Variants in ATF6 observed in about 807,000 individuals in gnomAD.
The protein encoded by ATF6 is activating transcription factor 6.
In ATF6, 53 loss-of-function variants were observed where a neutral mutation model predicts 83.6. The observed-to-expected ratio is 0.63, with a 90% confidence interval of 0.51 to 0.80. The LOEUF is 0.80. Among genes scored for constraint, ATF6 ranks in the 30% least tolerant of loss-of-function variants. The pLI is 0.00. For synonymous variants in ATF6, 288 were observed against 285.8 expected (o/e 1.01, Z -0.08); for missense variants, 744 against 797.9 (o/e 0.93, Z 0.81).
Position 161,821,946 on chromosome 1 carries a change from G to C in ATF6, c.1187+785G>C, listed in dbSNP as rs113263422. On this transcript the variant is annotated intron_variant, in intron 9 of 15. Transcript: ENST00000367942. ...TACCTCTCTGATGTAGCTTTTGTGG[G>C]ATTTGTTAACTGGTATAATGTGGGA... Among the ~76,000 whole-genome samples the C allele has an allele frequency of 9.9e-3, 1,507 of 152,230 alleles. 8 individuals carry two copies. The highest frequency in any genetic ancestry group is 0.017 in the South Asian group (83 of 4,812).
intron 15 of ATF6, among the ~76,000 whole-genome samples, chr1:161,917,538 A>G (rs1287009703): frequency 1.3e-5 from 2 of 151,868 alleles, no homozygotes; most frequent in African/African-American, 2.4e-5. Context: ...CTCCTGCCTC[A>G]GCCTCCCGAG....
intron 1 of ATF6, among the ~76,000 whole-genome samples, chr1:161,774,876 G>A (rs1684478700): frequency 6.6e-6 from 1 of 152,174 alleles, no homozygotes; most frequent in Admixed American, 6.5e-5. Context: ...ATCTGGAACA[G>A]TTCTTTAGTC....
Position 161,905,675 on chromosome 1 carries a change from G to T in ATF6, c.1720-6621G>T, listed in dbSNP as rs548757420. Among the ~76,000 whole-genome samples, 27 of 152,180 alleles carry T rather than the reference G, an allele frequency of 1.8e-4. No homozygotes were observed. The Middle Eastern group carries it at 0.014, about 77-fold the overall frequency. ...TTTTTTTTGGATTGCTGTCCTGTTG[G>T]CACTCAACAAATTACAATTGCTAAT... On this transcript the variant is annotated intron_variant, in intron 14 of 15. Coordinates refer to ENST00000367942, the MANE Select transcript of ATF6 (RefSeq NM_007348.4).
intron 6 of ATF6, among the ~76,000 whole-genome samples, chr1:161,797,810 G>A (rs12044164): frequency 0.12 from 18,503 of 152,010 alleles, 1,681 homozygotes; most frequent in East Asian, 0.31. Flanking sequence ...ACACAATTAG[G>A]AAAAACTATT....
At chr1:161,881,233 C>T (rs990833623) in intron 14 of ATF6, among the ~76,000 whole-genome samples, 1 of 152,112 alleles carries the variant, frequency 6.6e-6, no homozygotes, top group Non-Finnish European at 1.5e-5. Flanking sequence ...GGGTCTTCTA[C>T]TCCAGGGTTT....
intron 14 of ATF6, among the ~76,000 whole-genome samples, chr1:161,881,898 C>A (rs192861340): frequency 1.1e-3 from 164 of 152,024 alleles, no homozygotes; most frequent in Admixed American, 3.7e-3. Context: ...TAAAGTCTTA[C>A]AATTTTAGGT....
chr1:161,942,472 C>T (rs1688666140), intron 15 of ATF6, among the ~76,000 whole-genome samples: 1 of 152,144 alleles, frequency 6.6e-6, no homozygotes, highest in African/African-American at 2.4e-5. Flanking sequence ...ACTCTTGCAA[C>T]CACCCTATGG....
chr1:161,877,728 A>T (rs1687245194), intron 14 of ATF6, among the ~76,000 whole-genome samples: 1 of 152,170 alleles, frequency 6.6e-6, no homozygotes, highest in Non-Finnish European at 1.5e-5. Context: ...GAGACCTATT[A>T]ACAGTAGGAG....
At chr1:161,880,637 G>C (rs776826503) in intron 14 of ATF6, among the ~76,000 whole-genome samples, 27 of 152,068 alleles carry the variant, frequency 1.8e-4, no homozygotes, top group Non-Finnish European at 1.3e-4. Flanking sequence ...CTGGTGTAGG[G>C]ATATAGCACA....
chr1:161,770,817 A>C (rs553698879), intron 1 of ATF6, among the ~76,000 whole-genome samples: 15 of 152,276 alleles, frequency 9.9e-5, no homozygotes, highest in African/African-American at 3.6e-4. Flanking sequence ...GTGGACATGC[A>C]TTTTCCAATT....
intron 7 of ATF6, among the ~76,000 whole-genome samples, chr1:161,811,853 C>T (rs1685471862): frequency 6.6e-6 from 1 of 152,112 alleles, no homozygotes; most frequent in African/African-American, 2.4e-5. Flanking sequence ...CAGTATTTTA[C>T]CCCTAATTTT....
intron 14 of ATF6, among the ~76,000 whole-genome samples, chr1:161,901,177 A>G (rs1302602444): frequency 6.6e-6 from 1 of 151,996 alleles, no homozygotes; most frequent in Non-Finnish European, 1.5e-5. Context: ...TTCAACTTTT[A>G]TTTTAGATTT....
chr1:161,894,224 G>A (rs984238577), intron 14 of ATF6, among the ~76,000 whole-genome samples: 4 of 140,568 alleles, frequency 2.8e-5, no homozygotes, highest in African/African-American at 5.5e-5. Context: ...GAATTGAGCA[G>A]GTGTTTTTTT....
At chr1:161,858,780 C>T (rs555561022) in intron 12 of ATF6, among the ~76,000 whole-genome samples, 21 of 152,286 alleles carry the variant, frequency 1.4e-4, no homozygotes, top group Admixed American at 1.2e-3. Context: ...ACTAGTTTTT[C>T]AGAGGTTCCT....
chr1:161,887,950 T>G (rs1361476468), intron 14 of ATF6, among the ~76,000 whole-genome samples: 3 of 152,144 alleles, frequency 2.0e-5, no homozygotes, highest in Admixed American at 6.5e-5. Context: ...ATTTCATGGA[T>G]CAAATCAAGG....
chr1:161,865,280 C>T (rs1686970848), intron 14 of ATF6, among the ~76,000 whole-genome samples: 1 of 152,000 alleles, frequency 6.6e-6, no homozygotes, highest in Non-Finnish European at 1.5e-5. Context: ...TTGCCTCAGC[C>T]TCCTGAATAG....
At chr1:161,939,396 A>C (rs1465039114) in intron 15 of ATF6, among the ~76,000 whole-genome samples, 3 of 152,224 alleles carry the variant, frequency 2.0e-5, no homozygotes, top group Non-Finnish European at 4.4e-5. Flanking sequence ...TACATGTGCC[A>C]TGTTGGTTTG....
At chr1:161,918,505 T>C (rs1474114886) in intron 15 of ATF6, among the ~76,000 whole-genome samples, 3 of 152,170 alleles carry the variant, frequency 2.0e-5, no homozygotes. Flanking sequence ...TTTGGCTTAT[T>C]AGACTTATGG....
At chr1:161,908,847 T>A (rs991492952) in intron 14 of ATF6, among the ~76,000 whole-genome samples, 1 of 152,174 alleles carries the variant, frequency 6.6e-6, no homozygotes, top group African/African-American at 2.4e-5. Flanking sequence ...AAATACAAAT[T>A]CATCAAATTT....
Sources: gnomAD v4.1 joint callset for allele counts (sites outside exome capture counted in the v4.1 genomes callset) on GRCh38, gnomAD v4.1.1 for gene constraint, MANE v1.5 for transcripts, NCBI Gene and HGNC (gene_info 2026-07-23, HGNC 2026-07-21) for gene names.